The following CFAP58 variants were observed in gnomAD, a reference collection of about 807,000 sequenced individuals.
CFAP58 encodes cilia and flagella associated protein 58, also known as cilia- and flagella-associated protein 58.
A neutral mutation model predicts 119.5 loss-of-function variants in CFAP58; 88 were observed. That is an observed-to-expected ratio of 0.74 (90% CI 0.62 to 0.88). The LOEUF is 0.88. Ranked by LOEUF, CFAP58 falls within the 40% of genes least tolerant of loss-of-function variation. The pLI, the probability that CFAP58 is intolerant of heterozygous loss-of-function variation, is 0.00. For missense variants in CFAP58, 990 were observed against 1,021.2 expected, an observed-to-expected ratio of 0.97 and a Z score of 0.42; for synonymous variants, 365 against 366.3, an observed-to-expected ratio of 1.00 and a Z score of 0.04.
the CFAP58 span, among the ~76,000 whole-genome samples, chr10:104,339,672 T>C: frequency 6.6e-6 from 1 of 152,146 alleles, no homozygotes; most frequent in Non-Finnish European, 1.5e-5. Flanking sequence ...AATGAGAAAA[T>C]GTTCTAAAAA....
rs200298696 is a variant in CFAP58, at chr10:104,376,784, T to G, written c.1091-27T>G. Reference sequence around the variant, plus strand: ...TCTCTTAGGTCGACTCTACGTTTATTATTATTTTTTCTCCCTGGGGATTCA... The same window carrying G: ...TCTCTTAGGTCGACTCTACGTTTATGATTATTTTTTCTCCCTGGGGATTCA... On this transcript the variant is annotated intron_variant, in intron 7 of 17. Coordinates refer to ENST00000369704, the MANE Select transcript of CFAP58 (RefSeq NM_001008723.2). The G allele has an allele frequency of 2.5e-6, 4 of 1,583,390 alleles. No homozygotes were observed. The Admixed American group carries it at 6.7e-5, about 27-fold the overall frequency.
chr10:104,368,734 G>A (rs2014785851), intron 6 of CFAP58, among the ~76,000 whole-genome samples, 174 bp downstream of exon 6: 1 of 152,228 alleles, frequency 6.6e-6, no homozygotes, highest in South Asian at 2.1e-4. Flanking sequence ...AGAGTTTGAT[G>A]ACTTCCATTC....
At chr10:104,350,380 C>A (rs962257078), upstream of CFAP58, among the ~76,000 whole-genome samples, 1 of 152,182 alleles carries the variant, frequency 6.6e-6, no homozygotes, top group Non-Finnish European at 1.5e-5. Context: ...CTTGTTATTA[C>A]AACAACACAG....
At chr10:104,345,823 G>A in the CFAP58 span, among the ~76,000 whole-genome samples, 1 of 152,100 alleles carries the variant, frequency 6.6e-6, no homozygotes, top group Admixed American at 6.5e-5. Context: ...AAAGTCTAGA[G>A]GTGTTTGAAA....
At chr10:104,344,429 A>G in the CFAP58 span, among the ~76,000 whole-genome samples, 1 of 152,212 alleles carries the variant, frequency 6.6e-6, no homozygotes, top group East Asian at 1.9e-4. Context: ...ATACAATTAT[A>G]TTGGCTCAGC....
chr10:104,391,021 A>G (rs532708904), intron 9 of CFAP58, among the ~76,000 whole-genome samples: 12 of 152,246 alleles, frequency 7.9e-5, no homozygotes, highest in African/African-American at 1.2e-4. Context: ...ATTTAAAATC[A>G]TAGCCATCAT....
chr10:104,441,558 T>C (rs2013037473), intron 15 of CFAP58, among the ~76,000 whole-genome samples: 1 of 152,246 alleles, frequency 6.6e-6, no homozygotes, highest in Non-Finnish European at 1.5e-5. Flanking sequence ...TACATACATA[T>C]ATTTGCATTT....
intron 1 of CFAP58, among the ~76,000 whole-genome samples, chr10:104,358,123 A>G (rs753226651): frequency 1.3e-5 from 2 of 150,970 alleles, no homozygotes; most frequent in African/African-American, 4.9e-5. Context: ...ATATATATGT[A>G]CTTATATATA....
intron 15 of CFAP58, among the ~76,000 whole-genome samples, chr10:104,413,352 G>A (rs752805842): frequency 6.6e-6 from 1 of 152,194 alleles, no homozygotes; most frequent in Non-Finnish European, 1.5e-5. Context: ...GTCTGTCAAA[G>A]TTCTTCCCTT....
In CFAP58 at chr10:104,402,561, C is replaced by T. The variant is rs117033753; in HGVS notation, c.2040-1168C>T. Among the ~76,000 whole-genome samples, 1,035 of 152,266 alleles carry T rather than the reference C, an allele frequency of 6.8e-3. 21 individuals are homozygous for T. The highest frequency in any genetic ancestry group is 0.035 in the Admixed American group (543 of 15,306). ...CAAGTGCTTGCTTCTTCTCTGCCTC[C>T]CAATGTCTCATTCGATAGGGCGACA... On this transcript the variant is annotated intron_variant, in intron 13 of 17. Transcript: ENST00000369704.
At chr10:104,432,510 T>TC (rs1287645405) in intron 15 of CFAP58, among the ~76,000 whole-genome samples, 1 of 151,796 alleles carries the variant, frequency 6.6e-6, no homozygotes, top group African/African-American at 2.4e-5. Flanking sequence ...ATAGGCACTT[T>TC]TTTTTTTTTT....
At chr10:104,391,542 T>C (rs2012040950) in intron 9 of CFAP58, among the ~76,000 whole-genome samples, 2 of 152,232 alleles carry the variant, frequency 1.3e-5, no homozygotes, top group Non-Finnish European at 1.5e-5. Flanking sequence ...TGTGTGGACA[T>C]TGCAGCAGAG....
intron 15 of CFAP58, among the ~76,000 whole-genome samples, chr10:104,408,366 G>A (rs2012400030): frequency 1.3e-5 from 2 of 152,170 alleles, no homozygotes; most frequent in South Asian, 4.1e-4. Context: ...AATGGGAGGA[G>A]GATACTCTAA....
intron 17 of CFAP58, among the ~76,000 whole-genome samples, chr10:104,450,490 T>C (rs2013177053): frequency 6.6e-6 from 1 of 152,118 alleles, no homozygotes; most frequent in Non-Finnish European, 1.5e-5. Flanking sequence ...CCCACACTAG[T>C]CTATGGTTTG....
chr10:104,401,225 A>C (rs753905447), intron 13 of CFAP58, among the ~76,000 whole-genome samples: 2 of 152,192 alleles, frequency 1.3e-5, no homozygotes, highest in Non-Finnish European at 2.9e-5. Flanking sequence ...TTTTCCCCCA[A>C]TGAGCTTTCT....
At chr10:104,410,603 T>C (rs950898847) in intron 15 of CFAP58, among the ~76,000 whole-genome samples, 2 of 152,212 alleles carry the variant, frequency 1.3e-5, no homozygotes, top group Admixed American at 6.5e-5. Context: ...GTACGTCTAA[T>C]TGTTTCTGCT....
chr10:104,405,218 A>G (rs1283639234), intron 14 of CFAP58, among the ~76,000 whole-genome samples: 1 of 152,250 alleles, frequency 6.6e-6, no homozygotes, highest in African/African-American at 2.4e-5. Flanking sequence ...GGCACTGCTT[A>G]GTATTTCTTA....
chr10:104,428,396 A>G (rs568205391), intron 15 of CFAP58, among the ~76,000 whole-genome samples: 1 of 152,226 alleles, frequency 6.6e-6, no homozygotes, highest in Non-Finnish European at 1.5e-5. Flanking sequence ...ACATTTGACT[A>G]TGAAACATTG....
chr10:104,403,730 CA>C lies in CFAP58; in HGVS notation c.2042del (p.Gln681ArgfsTer11). On this transcript the variant is annotated frameshift_variant and splice_region_variant, in exon 14 of 18. Coordinates refer to ENST00000369704, the MANE Select transcript of CFAP58 (RefSeq NM_001008723.2). LOFTEE classifies it high-confidence loss of function. ...RSMANVEELR[Q>X]EFFHMQRELL... ...CAAAATCAAGTTTGTCTTATTCAGA[CA>C]GGAGTTTTTTCACATGCAAAGAGAA... 6.2e-7 allele frequency: 1 copy of C among 1,604,322 alleles called. No individual in the cohort carries two copies. Among genetic ancestry groups the C allele is most frequent in the Non-Finnish European group, 8.5e-7 (1 of 1,174,240 alleles).
Sources: gnomAD v4.1 joint callset for allele counts (sites outside exome capture counted in the v4.1 genomes callset) on GRCh38, gnomAD v4.1.1 for gene constraint, MANE v1.5 for transcripts, NCBI Gene and HGNC (gene_info 2026-07-23, HGNC 2026-07-21) for gene names.